Variants in CDH13 observed in about 807,000 individuals in gnomAD.
The protein encoded by CDH13 is cadherin-13.
CDH13 carries 24 observed loss-of-function variants against 63.8 expected under a neutral mutation model. That is an observed-to-expected ratio of 0.38 (90% CI 0.27 to 0.53). The LOEUF is 0.53. Ranked by LOEUF, CDH13 falls within the 20% of genes least tolerant of loss-of-function variation. CDH13 has a pLI of 0.85. For synonymous variants in CDH13, 503 were observed against 355.3 expected, an observed-to-expected ratio of 1.42 and a Z score of -4.67; for missense variants, 1,049 against 903.1, an observed-to-expected ratio of 1.16 and a Z score of -2.07.
intron 4 of CDH13, among the ~76,000 whole-genome samples, chr16:83,151,348 T>C (rs1208605688): frequency 6.6e-6 from 1 of 152,206 alleles, no homozygotes; most frequent in Non-Finnish European, 1.5e-5. Flanking sequence ...ATATTTGTGC[T>C]GCTTCTTCTG....
At chr16:82,683,484 A>C (rs1274819884) in intron 1 of CDH13, among the ~76,000 whole-genome samples, 3 of 152,226 alleles carry the variant, frequency 2.0e-5, no homozygotes, top group Non-Finnish European at 4.4e-5. Flanking sequence ...GAGAGACTGC[A>C]TTCAGACCAC....
intron 2 of CDH13, among the ~76,000 whole-genome samples, chr16:82,964,595 C>G (rs921191781): frequency 6.6e-6 from 1 of 152,138 alleles, no homozygotes; most frequent in Non-Finnish European, 1.5e-5. Flanking sequence ...ACATCATTCT[C>G]CTTATTTGAA....
intron 5 of CDH13, among the ~76,000 whole-genome samples, chr16:83,271,976 T>C (rs2096368132): frequency 6.6e-6 from 1 of 152,202 alleles, no homozygotes; most frequent in Admixed American, 6.5e-5. Context: ...ATCATAATGG[T>C]AATAAACATT....
At chr16:83,062,936 A>T (rs1211156125) in intron 3 of CDH13, among the ~76,000 whole-genome samples, 2 of 150,264 alleles carry the variant, frequency 1.3e-5, no homozygotes, top group Non-Finnish European at 3.0e-5. Flanking sequence ...CTCATAGCTA[A>T]TCAGATGTCT....
At chr16:83,730,017 G>A (rs1910864191) in intron 10 of CDH13, among the ~76,000 whole-genome samples, 1 of 152,198 alleles carries the variant, frequency 6.6e-6, no homozygotes, top group Admixed American at 6.5e-5. Context: ...GACCCTCACG[G>A]TGCTATACAC....
chr16:83,393,678 T>G (rs141429194), intron 6 of CDH13, among the ~76,000 whole-genome samples: 16 of 152,348 alleles, frequency 1.1e-4, no homozygotes, highest in Non-Finnish European at 2.2e-4. Flanking sequence ...AATCATTCAT[T>G]CATTGAATTG....
At chr16:82,729,325 T>C (rs1232050348) in intron 1 of CDH13, among the ~76,000 whole-genome samples, 1 of 152,214 alleles carries the variant, frequency 6.6e-6, no homozygotes, top group Non-Finnish European at 1.5e-5. Context: ...TACAAAATGT[T>C]ATTTCTTTAA....
rs75957913 is a variant in CDH13, at chr16:82,865,374, T to C, written c.157+6901T>C. On this transcript the variant is annotated intron_variant, in intron 2 of 13. Transcript: ENST00000567109. The stretch of plus-strand genomic sequence containing the variant: ...AGGGCTCTGCCTCTGCAACAAACTT[T>C]TGCGTGGACATCCAGGTGTTTCCAT... Among the ~76,000 whole-genome samples the C allele has an allele frequency of 6.8e-3, 1,035 of 152,314 alleles. 26 individuals are homozygous for C. Among genetic ancestry groups the C allele is most frequent in the East Asian group, 0.014 (72 of 5,178 alleles).
chr16:83,589,941 G>A (rs948139461), intron 7 of CDH13, among the ~76,000 whole-genome samples: 7 of 152,116 alleles, frequency 4.6e-5, no homozygotes, highest in Non-Finnish European at 7.4e-5. Context: ...GGGCTTAGGA[G>A]GTGGGGGCGG....
At chr16:82,698,210 C>G (rs938156428) in intron 1 of CDH13, among the ~76,000 whole-genome samples, 4 of 152,282 alleles carry the variant, frequency 2.6e-5, no homozygotes, top group Admixed American at 6.5e-5. Flanking sequence ...AGTGCTATCT[C>G]TAGTCTCTTT....
chr16:83,491,057 C>T (rs1225194760), intron 7 of CDH13, among the ~76,000 whole-genome samples: 3 of 152,200 alleles, frequency 2.0e-5, no homozygotes. Context: ...GAACATTCTG[C>T]AGGATCCACA....
chr16:83,114,040 C>T (rs966125232), intron 3 of CDH13, among the ~76,000 whole-genome samples: 1 of 152,140 alleles, frequency 6.6e-6, no homozygotes, highest in Non-Finnish European at 1.5e-5. Context: ...ATTTCAGACT[C>T]CCCTGATGAA....
At chr16:83,010,629 A>G (rs1310540433) in intron 2 of CDH13, among the ~76,000 whole-genome samples, 1 of 152,198 alleles carries the variant, frequency 6.6e-6, no homozygotes. Flanking sequence ...ATATTTTCAG[A>G]AATACCTCCT....
intron 1 of CDH13, among the ~76,000 whole-genome samples, chr16:82,779,471 G>C (rs992517763): frequency 1.3e-5 from 2 of 152,098 alleles, no homozygotes; most frequent in African/African-American, 4.8e-5. Flanking sequence ...TGTTCCCTTG[G>C]GACAAGAGAA....
At chr16:83,731,550 C>G (rs1911045268) in intron 10 of CDH13, among the ~76,000 whole-genome samples, 1 of 152,160 alleles carries the variant, frequency 6.6e-6, no homozygotes, top group Non-Finnish European at 1.5e-5. Flanking sequence ...CTTATAGATT[C>G]TGGATATTAG....
chr16:82,721,130 G>A (rs954252918), intron 1 of CDH13, among the ~76,000 whole-genome samples: 2 of 152,168 alleles, frequency 1.3e-5, no homozygotes, highest in Non-Finnish European at 2.9e-5. Flanking sequence ...TCCTCTCCTT[G>A]ATTTAACAAA....
intron 2 of CDH13, among the ~76,000 whole-genome samples, chr16:82,927,509 C>G (rs1478533374): frequency 1.3e-5 from 2 of 152,174 alleles, no homozygotes; most frequent in East Asian, 3.8e-4. Context: ...AGACCCAAAA[C>G]AGATGTTAAA....
At chr16:83,329,896 A>G (rs903741812) in intron 5 of CDH13, among the ~76,000 whole-genome samples, 1 of 152,234 alleles carries the variant, frequency 6.6e-6, no homozygotes, top group Non-Finnish European at 1.5e-5. Context: ...TATTGAATGA[A>G]TATACCACAT....
At chr16:83,357,304 A>G (rs544818429) in intron 6 of CDH13, among the ~76,000 whole-genome samples, 2 of 152,226 alleles carry the variant, frequency 1.3e-5, no homozygotes, top group African/African-American at 2.4e-5. Context: ...GCTAGAGGGG[A>G]TGACTTGAAT....
Sources: allele counts gnomAD v4.1 joint callset (sites outside exome capture counted in the v4.1 genomes callset), GRCh38; gene constraint gnomAD v4.1.1; transcripts MANE v1.5; gene names NCBI Gene and HGNC (gene_info 2026-07-23, HGNC 2026-07-21).